The following ANKRD17 variants were observed in gnomAD, a reference collection of about 807,000 sequenced individuals.
The protein encoded by ANKRD17 is ankyrin repeat domain 17.
Under a neutral mutation model 229.7 loss-of-function variants are expected in ANKRD17, and 19 were observed. The observed-to-expected ratio is 0.08, with a 90% CI of 0.06 to 0.12. The LOEUF is 0.12. Among genes scored for constraint, ANKRD17 ranks in the 10% least tolerant of loss-of-function variants. The probability of loss-of-function intolerance (pLI) is 1.00; values close to 1 mark genes in which losing one functional copy is unlikely to be tolerated. For synonymous variants in ANKRD17, 1,112 were observed against 1,146.1 expected, an observed-to-expected ratio of 0.97 and a Z score of 0.60; for missense variants, 2,176 against 3,176.8, an observed-to-expected ratio of 0.68 and a Z score of 7.57.
intron 1 of ANKRD17, among the ~76,000 whole-genome samples, chr4:73,220,444 A>G (rs961958106): frequency 9.2e-5 from 14 of 152,150 alleles, no homozygotes; most frequent in African/African-American, 2.4e-4. Context: ...CAATGATGTA[A>G]GTTGAAATCC....
At chr4:73,160,471 G>A (rs375984300) in intron 3 of ANKRD17, among the ~76,000 whole-genome samples, 8 of 152,050 alleles carry the variant, frequency 5.3e-5, no homozygotes, top group African/African-American at 1.2e-4. Context: ...CGCCCGCCTC[G>A]GCCTCCAAAG....
At chr4:73,203,754 G>A (rs1484816892) in intron 1 of ANKRD17, among the ~76,000 whole-genome samples, 121 of 61,330 alleles carry the variant, frequency 2.0e-3, no homozygotes, top group African/African-American at 5.6e-3. Flanking sequence ...GCGAGACTCC[G>A]TCTCAAAAAA....
At chr4:73,094,731 T>C (rs987543440) in intron 27 of ANKRD17, among the ~76,000 whole-genome samples, 3 of 150,244 alleles carry the variant, frequency 2.0e-5, no homozygotes, top group African/African-American at 4.9e-5. Flanking sequence ...TGTGTATATA[T>C]ATATATTATA....
chr4:73,104,017 GA>G (rs1724318086), intron 24 of ANKRD17: 4 of 152,128 alleles, frequency 2.6e-5, no homozygotes, highest in Admixed American at 2.6e-4. Flanking sequence ...GGCTAGGTGA[GA>G]GATAAGTCTT....
intron 16 of ANKRD17, among the ~76,000 whole-genome samples, chr4:73,130,581 T>A (rs2148754299): frequency 6.6e-6 from 1 of 151,564 alleles, no homozygotes; most frequent in East Asian, 1.9e-4. Context: ...TATTAAAAAG[T>A]GAAAGAAAGC....
intron 2 of ANKRD17, among the ~76,000 whole-genome samples, chr4:73,173,216 T>C (rs1219062640): frequency 6.6e-6 from 1 of 152,198 alleles, no homozygotes; most frequent in African/African-American, 2.4e-5. Flanking sequence ...AAGATCATTA[T>C]ATAATTATAA....
chr4:73,169,393 G>A (rs1733675640), intron 2 of ANKRD17, among the ~76,000 whole-genome samples: 1 of 152,022 alleles, frequency 6.6e-6, no homozygotes, highest in Non-Finnish European at 1.5e-5. Flanking sequence ...AGATTTCTAA[G>A]GTTTTTGACC....
intron 1 of ANKRD17, among the ~76,000 whole-genome samples, chr4:73,239,062 TA>T (rs1163764677): frequency 6.6e-6 from 1 of 152,164 alleles, no homozygotes; most frequent in Non-Finnish European, 1.5e-5. Context: ...TTCAATGTTC[TA>T]GGTGTTATAA....
rs1468935318 is a variant in ANKRD17, at chr4:73,142,285, G to A, written c.2186C>T (p.Pro729Leu). ...YPNNLLSAPPPDVTQLTPPSH... is the reference protein window; with the variant it reads ...YPNNLLSAPPLDVTQLTPPSH... ...TGGGGGAGTTAACTGAGTGACATCT[G>A]GTGGAGGGGCTGAAAGCAAGTTATT... The change falls in exon 13 of 34, where the codon CCA becomes CTA. Residue 729 changes from proline to leucine, a missense_variant. Pro to Leu is a moderately conservative substitution (Grantham distance 98). Around this residue, in one of 18 missense-constraint regions of ANKRD17, gnomAD observed 275 missense variants for 386.9 expected, o/e 0.71. Coordinates refer to ENST00000358602, the MANE Select transcript of ANKRD17 (RefSeq NM_032217.5). The A allele has an allele frequency of 4.5e-6, 7 of 1,558,530 alleles. No individual in the cohort carries two copies. The highest frequency in any genetic ancestry group is 6.0e-6 in the Non-Finnish European group (7 of 1,165,164).
intron 15 of ANKRD17, among the ~76,000 whole-genome samples, 154 bp downstream of exon 15, chr4:73,139,377 G>T (rs1400115604): frequency 6.6e-6 from 1 of 152,190 alleles, no homozygotes; most frequent in Non-Finnish European, 1.5e-5. Context: ...GTATCCATCT[G>T]AGAACTTCTG....
At chr4:73,156,931 A>C (rs1731740298) in intron 3 of ANKRD17, among the ~76,000 whole-genome samples, 1 of 151,576 alleles carries the variant, frequency 6.6e-6, no homozygotes, top group Non-Finnish European at 1.5e-5. Context: ...AAAAGGCAAA[A>C]ATGATTGAAT....
At chr4:73,254,472 AAAT>A (rs1389788018) in intron 1 of ANKRD17, among the ~76,000 whole-genome samples, 2 of 152,204 alleles carry the variant, frequency 1.3e-5, no homozygotes, top group African/African-American at 4.8e-5. Context: ...CTGCCTTAGA[AAAT>A]ACTAAGATTG....
chr4:73,190,572 AAAC>A (rs1442086437), intron 1 of ANKRD17, among the ~76,000 whole-genome samples: 14 of 151,486 alleles, frequency 9.2e-5, no homozygotes, highest in African/African-American at 3.1e-4. Flanking sequence ...AACAAAAAAA[AAAC>A]AAAAAAAACC....
At chr4:73,161,398 A>T in intron 2 of ANKRD17, 50 bp from the exon 3 acceptor site, 1 of 1,588,360 alleles carries the variant, frequency 6.3e-7, no homozygotes, top group Non-Finnish European at 8.6e-7. Context: ...AGGAGAAACA[A>T]AGCAAAATTC....
intron 1 of ANKRD17, among the ~76,000 whole-genome samples, chr4:73,233,682 A>T (rs1184025687): frequency 1.3e-5 from 2 of 152,174 alleles, no homozygotes; most frequent in East Asian, 3.9e-4. Context: ...ACTGTATCTC[A>T]AATATGTTCA....
chr4:73,209,026 C>A (rs575787487), intron 1 of ANKRD17, among the ~76,000 whole-genome samples: 2 of 151,866 alleles, frequency 1.3e-5, no homozygotes, highest in Admixed American at 1.3e-4. Flanking sequence ...GTCAACATGG[C>A]GAAACTCCCC....
At chr4:73,225,505 T>C (rs1175601113) in intron 1 of ANKRD17, among the ~76,000 whole-genome samples, 1 of 152,180 alleles carries the variant, frequency 6.6e-6, no homozygotes, top group Non-Finnish European at 1.5e-5. Context: ...ATGGCTATCA[T>C]TTATTATCTG....
At chr4:73,169,339 T>C (rs934947101) in intron 2 of ANKRD17, among the ~76,000 whole-genome samples, 6 of 152,104 alleles carry the variant, frequency 3.9e-5, no homozygotes, top group Non-Finnish European at 7.4e-5. Flanking sequence ...CTGTACATCA[T>C]GGTTTGAGTG....
rs192390513 is a variant in ANKRD17, at chr4:73,174,077, C to T, written c.547+3303G>A. On this transcript the variant is annotated intron_variant, in intron 2 of 33. Coordinates refer to ENST00000358602, the MANE Select transcript of ANKRD17 (RefSeq NM_032217.5). ...AGGGGAGGGGAAGGGAGAAGGAAGG[C>T]GAGGGAAGGGAGGGGAGAAGGAAGG... Among the ~76,000 whole-genome samples the T allele has an allele frequency of 7.3e-3, 467 of 63,784 alleles. 1 individual carries two copies. Among genetic ancestry groups the T allele is most frequent in the Admixed American group, 0.022 (133 of 6,116 alleles). 41.8% of individuals were successfully genotyped at this position (63,784 alleles called of 152,430 possible). A position where few individuals can be genotyped will look rare whatever the true frequency, so the allele number is the denominator to read the frequency against.
Sources: gnomAD v4.1 joint callset for allele counts (sites outside exome capture counted in the v4.1 genomes callset) on GRCh38, gnomAD v4.1.1 for gene constraint, gnomAD v4.1.1 regional missense constraint, MANE v1.5 for transcripts, NCBI Gene and HGNC (gene_info 2026-07-23, HGNC 2026-07-21) for gene names.